Variants in SLC6A19 observed in about 807,000 individuals in gnomAD.
SLC6A19 encodes sodium-dependent neutral amino acid transporter B(0)AT1.
A neutral mutation model predicts 68.3 loss-of-function variants in SLC6A19; 67 were observed. The observed-to-expected ratio is 0.98, with a 90% CI of 0.81 to 1.20. SLC6A19 has a LOEUF of 1.20. Ranked by LOEUF, SLC6A19 falls within the 50% of genes most tolerant of loss-of-function variation. The pLI is 0.00. For synonymous variants in SLC6A19, 392 were observed against 374.9 expected (o/e 1.05, Z -0.53); for missense variants, 813 against 851.6 (o/e 0.95, Z 0.56).
At chr5:1,211,389 G>A (rs1164920198) in intron 3 of SLC6A19, among the ~76,000 whole-genome samples, 1 of 152,252 alleles carries the variant, frequency 6.6e-6, no homozygotes, top group Non-Finnish European at 1.5e-5. Flanking sequence ...AGTGTGTGGA[G>A]TGGGCAGTTG....
rs533983241 is a variant in SLC6A19 at position 1,214,857 on chromosome 5, T to G, written c.887+792T>G. On this transcript the variant is annotated intron_variant, in intron 6 of 11. Transcript: ENST00000304460. This position sits in a 1 kb window ranked among gnomAD's most constrained non-coding sequence, Gnocchi z 7.4. ...GTGGGGCCTAGACTGGACGGGGGCC[T>G]GGGTAGGGAGGGTGGGCCCTGGGTG... Among the ~76,000 whole-genome samples, 1 of 6,712 alleles carries G rather than the reference T, an allele frequency of 1.5e-4. No individual in the cohort carries two copies. Among genetic ancestry groups the G allele is most frequent in the Non-Finnish European group, 2.6e-4 (1 of 3,842 alleles). The allele number at this position is 6,712 out of a possible 152,430, so 4.4% of individuals were successfully genotyped here. A position where few individuals can be genotyped will look rare whatever the true frequency, so the allele number is the denominator to read the frequency against.
In SLC6A19 at chr5:1,212,338, G is replaced by A. The variant is rs121434346; in HGVS notation, c.517G>A (p.Asp173Asn). The change falls in exon 4 of 12, where the codon GAC becomes AAC. Residue 173 changes from aspartate to asparagine, a missense_variant. Physicochemically the swap from Asp to Asn is conservative, Grantham distance 23. Transcript: ENST00000304460. This position sits in a 1 kb window ranked among gnomAD's most constrained non-coding sequence, Gnocchi z 5.1. ...VDECARSSPV[D>N]YFWYRETLNI... is the part of the protein sequence containing the mutation. ...CGAGTGCGCCAGGAGCTCCCCTGTG[G>A]ACTACTTCTGGTACCGAGAGACGCT... is the stretch of plus-strand genomic sequence containing the variant. The A allele has an allele frequency of 3.1e-3, 5,008 of 1,613,638 alleles. 12 individuals are homozygous for A. Among genetic ancestry groups the A allele is most frequent in the Non-Finnish European group, 4.1e-3 (4,784 of 1,179,944 alleles).
In SLC6A19 at chr5:1,219,528, C is replaced by T. The variant is rs763765943; in HGVS notation, c.1402C>T (p.Leu468Phe). The T allele has an allele frequency of 2.4e-5, 38 of 1,612,192 alleles. No homozygotes were observed. In the Admixed American group the frequency reaches 6.3e-4, roughly 27 times the overall value. Residue 468 changes from leucine (L) to phenylalanine (F), a missense_variant, in exon 10 of 12, where the codon CTC becomes TTC. Leu to Phe is a conservative substitution (Grantham distance 22, BLOSUM62 0). Coordinates refer to ENST00000304460, the MANE Select transcript of SLC6A19 (RefSeq NM_001003841.3). ...AGGCCTCATCTGCCTGGGGACATTCCTCATTGGCTTCATCTTCACGCTGAA... is the reference window on the plus strand; with the variant it reads ...AGGCCTCATCTGCCTGGGGACATTCTTCATTGGCTTCATCTTCACGCTGAA... ...LTGLICLGTF[L>F]IGFIFTLNSG...
Position 1,201,863 on chromosome 5 carries a change from C to T in SLC6A19, c.202+11C>T, listed in dbSNP as rs760214069. ...AGAGCCACGGAGGAGGTAGGCTGGC[C>T]GGGCGGGGCTGCGGGCGAGGCCGTG... On this transcript the variant is annotated intron_variant, in intron 1 of 11. Transcript: ENST00000304460. 341 of 1,606,618 alleles carry T rather than the reference C, an allele frequency of 2.1e-4. No individual in the cohort carries two copies. The highest frequency in any genetic ancestry group is 6.2e-4 in the East Asian group (28 of 44,830).
chr5:1,216,419 A>T, intron 6 of SLC6A19, 139 bp from the exon 7 acceptor site: 1 of 1,280,540 alleles, frequency 7.8e-7, no homozygotes, highest in Non-Finnish European at 1.1e-6. Context: ...AGGGGCTCCG[A>T]CTGCCTCCCC....
chr5:1,210,645 C>G, intron 3 of SLC6A19, 64 bp downstream of exon 3: 2 of 1,601,994 alleles, frequency 1.2e-6, no homozygotes, highest in Non-Finnish European at 1.7e-6. Context: ...TCATAGCAGG[C>G]ACATGGCCTC....
At chr5:1,213,630 G>T in intron 5 of SLC6A19, 57 bp downstream of exon 5, 2 of 1,485,876 alleles carry the variant, frequency 1.3e-6, no homozygotes, top group East Asian at 4.7e-5. Flanking sequence ...GCTGCCCTGT[G>T]CCCCCGCCAG....
In SLC6A19 at chr5:1,216,950, G is replaced by C. The variant is rs1243219828; in HGVS notation, c.1173+5G>C. On this transcript the variant is annotated splice_donor_5th_base_variant and intron_variant, in intron 8 of 11. Transcript: ENST00000304460. ...ATCAACGCCTTCCTCTCAGAGGTAG[G>C]TCCATTCCGGAGCTCGAGGCAGGGA... is the stretch of plus-strand genomic sequence containing the variant. 1 of 1,612,360 alleles carries C rather than the reference G, an allele frequency of 6.2e-7. No individual in the cohort carries two copies. The highest frequency in any genetic ancestry group is 1.1e-5 in the South Asian group (1 of 91,038).
rs141911612 is a variant in SLC6A19 at position 1,201,698 on chromosome 5, G to C, written c.48G>C (p.Pro16=). 4 of 1,611,348 alleles carry C rather than the reference G, an allele frequency of 2.5e-6. No homozygotes were observed. Among genetic ancestry groups the C allele is most frequent in the African/African-American group, 1.3e-5 (1 of 74,914 alleles). Residue 16 remains proline (P), a synonymous_variant, in exon 1 of 12, where the codon CCG becomes CCC. Transcript: ENST00000304460. ...LPNPGLDARI[P]SLAELETIEQ... The stretch of plus-strand genomic sequence containing the variant: ...ACCCCGGCCTAGACGCCCGGATCCC[G>C]TCCCTGGCTGAGCTGGAGACCATCG...
chr5:1,210,725 G>A lies in SLC6A19; in HGVS notation c.481+144G>A, dbSNP rs569038920. ...ACAGGGTGTCAAAAAATGACAGCAC[G>A]AAAGAAAAGACCTTAAAAGTGGTGG... is the stretch of plus-strand genomic sequence containing the variant. On this transcript the variant is annotated intron_variant, in intron 3 of 11. Coordinates refer to ENST00000304460, the MANE Select transcript of SLC6A19 (RefSeq NM_001003841.3). 2.4e-4 allele frequency: 293 copies of A among 1,227,710 alleles called. No individual in the cohort carries two copies. In the African/African-American group the frequency reaches 3.5e-3, roughly 15 times the overall value. 76.1% of individuals were successfully genotyped at this position (1,227,710 alleles called of 1,614,324 possible). A position where few individuals can be genotyped will look rare whatever the true frequency, so the allele number is the denominator to read the frequency against.
rs1307592013 is a variant in SLC6A19, at chr5:1,215,994, G to T, written c.888-564G>T. On this transcript the variant is annotated intron_variant, in intron 6 of 11. Coordinates refer to ENST00000304460, the MANE Select transcript of SLC6A19 (RefSeq NM_001003841.3). The surrounding 1 kb of genome is among the most constrained non-coding windows in gnomAD (Gnocchi z 5.1). ...CCTGAGGCTAACAGATTCAGCTTTTGATGGAAGCATCTGGAAGGATGGTGT... is the reference window on the plus strand; with the variant it reads ...CCTGAGGCTAACAGATTCAGCTTTTTATGGAAGCATCTGGAAGGATGGTGT... 6.6e-6 allele frequency among the ~76,000 whole-genome samples: 1 copy of T among 152,198 alleles called. No individual in the cohort carries two copies. Among genetic ancestry groups the T allele is most frequent in the African/African-American group, 2.4e-5 (1 of 41,458 alleles).
chr5:1,208,654 T>G, intron 1 of SLC6A19, 92 bp from the exon 2 acceptor site: 15 of 1,580,644 alleles, frequency 9.5e-6, no homozygotes, highest in Non-Finnish European at 1.2e-5. Flanking sequence ...CCATAGGGGC[T>G]GCAAGGTTTG....
chr5:1,204,551 G>A (rs12515098), intron 1 of SLC6A19, among the ~76,000 whole-genome samples: 6 of 152,050 alleles, frequency 3.9e-5, no homozygotes, highest in African/African-American at 1.4e-4. Context: ...CCGCAGTGCC[G>A]GTGGCGCAGG....
chr5:1,203,946 G>T (rs1745783434), intron 1 of SLC6A19, among the ~76,000 whole-genome samples: 1 of 152,178 alleles, frequency 6.6e-6, no homozygotes, highest in African/African-American at 2.4e-5. Context: ...GGCGACACAG[G>T]GTCCCCTCCT....
In SLC6A19 at chr5:1,221,113, C is replaced by A. The variant is rs779709435; in HGVS notation, c.1539-38C>A. ...GAAAGCTTAGCGAGTTGAAGCCCAG[C>A]TGGTAGCAGCAGTGACAGCTGTCTC... On this transcript the variant is annotated intron_variant, in intron 10 of 11. Coordinates refer to ENST00000304460, the MANE Select transcript of SLC6A19 (RefSeq NM_001003841.3). The A allele has an allele frequency of 1.9e-6, 3 of 1,607,380 alleles. No homozygotes were observed. The South Asian group carries it at 3.3e-5, about 18-fold the overall frequency.
At chr5:1,218,676 G>A (rs1462779042) in intron 8 of SLC6A19, among the ~76,000 whole-genome samples, 1 of 152,224 alleles carries the variant, frequency 6.6e-6, no homozygotes, top group Non-Finnish European at 1.5e-5. Flanking sequence ...TGGGCGGAAC[G>A]GGGCTCTGAG....
chr5:1,202,510 A>G (rs992402670), intron 1 of SLC6A19, among the ~76,000 whole-genome samples: 1 of 152,184 alleles, frequency 6.6e-6, no homozygotes, highest in East Asian at 1.9e-4. Flanking sequence ...TGAGCATCTG[A>G]GAAGTGGCTC....
At chr5:1,213,659 C>A (rs1746118857) in intron 5 of SLC6A19, 86 bp downstream of exon 5, 3 of 1,321,474 alleles carry the variant, frequency 2.3e-6, no homozygotes, top group Non-Finnish European at 3.2e-6. Context: ...CCAGCTCTCA[C>A]CCACGGGGAC....
rs1745706328 is a variant in SLC6A19, at chr5:1,201,761, C to G, written c.111C>G (p.Asn37Lys). Residue 37 changes from asparagine (N) to lysine (K), a missense_variant, in exon 1 of 12, where the codon AAC (asparagine) becomes AAG (lysine). Asn to Lys is a moderately conservative substitution (Grantham distance 94). Coordinates refer to ENST00000304460, the MANE Select transcript of SLC6A19 (RefSeq NM_001003841.3). The stretch of plus-strand genomic sequence containing the variant: ...CCAGCTCCCGGCCGAAGTGGGACAA[C>G]AAGGCGCAGTACATGCTCACCTGCC... ...EEASSRPKWD[N>K]KAQYMLTCLG... 1 of 1,612,730 alleles carries G rather than the reference C, an allele frequency of 6.2e-7. No individual in the cohort carries two copies. The highest frequency in any genetic ancestry group is 1.3e-5 in the African/African-American group (1 of 74,934).
Sources: allele counts gnomAD v4.1 joint callset (sites outside exome capture counted in the v4.1 genomes callset), GRCh38; gene constraint gnomAD v4.1.1; non-coding constraint Gnocchi (gnomAD v3.1); transcripts MANE v1.5; gene names NCBI Gene and HGNC (gene_info 2026-07-23, HGNC 2026-07-21).